GSE1: variants seen among roughly 807,000 people sequenced by gnomAD.
GSE1 encodes Gse1 coiled-coil protein, also known as genetic suppressor element 1.
Under a neutral mutation model 112.6 loss-of-function variants are expected in GSE1, and 32 were observed. That is an observed-to-expected ratio of 0.28 (90% CI 0.21 to 0.38). The LOEUF is 0.38. GSE1 is among the 10% of genes least tolerant of loss of function. GSE1 has a pLI of 1.00. For missense variants in GSE1, 2,348 were observed against 1,699.2 expected, an observed-to-expected ratio of 1.38 and a Z score of -6.71; for synonymous variants, 1,115 against 735.6, an observed-to-expected ratio of 1.52 and a Z score of -8.35.
chr16:85,582,530 AGG>A (rs1479626742), intron 1 of GSE1, among the ~76,000 whole-genome samples: 1 of 152,072 alleles, frequency 6.6e-6, no homozygotes, highest in Non-Finnish European at 1.5e-5. Flanking sequence ...CTCCTTGGCG[AGG>A]GGAGGAGCCC....
intron 1 of GSE1, among the ~76,000 whole-genome samples, chr16:85,357,053 C>T (rs943045399): frequency 1.3e-5 from 2 of 152,176 alleles, no homozygotes; most frequent in African/African-American, 4.8e-5. Context: ...ACAGAATAAA[C>T]CTTGTCCCCA....
intron 2 of GSE1, among the ~76,000 whole-genome samples, chr16:85,476,803 G>A (rs1221486011): frequency 6.7e-6 from 1 of 149,698 alleles, no homozygotes; most frequent in African/African-American, 2.5e-5. Context: ...AGCAGAGACA[G>A]GGTTTCACTG....
At chr16:85,472,352 T>G (rs1012313128) in intron 2 of GSE1, among the ~76,000 whole-genome samples, 1 of 152,238 alleles carries the variant, frequency 6.6e-6, no homozygotes, top group Non-Finnish European at 1.5e-5. Context: ...TTCCAGCCTC[T>G]GGTAGCTCCG....
At chr16:85,230,430 C>A (rs1904275437) in intron 1 of GSE1, among the ~76,000 whole-genome samples, 1 of 152,192 alleles carries the variant, frequency 6.6e-6, no homozygotes, top group African/African-American at 2.4e-5. Context: ...AACTCAGACT[C>A]ACTCAAGCAA....
intron 1 of GSE1, among the ~76,000 whole-genome samples, chr16:85,281,033 G>A (rs2044842435): frequency 6.6e-6 from 1 of 152,148 alleles, no homozygotes; most frequent in South Asian, 2.1e-4. Flanking sequence ...TGGGTTGCGG[G>A]GAAGTTTGAG....
chr16:85,357,589 G>A (rs1163075154), exon 2 of GSE1: 2 of 1,289,022 alleles, frequency 1.6e-6, no homozygotes, highest in Admixed American at 2.3e-5. Context: ...GCTGAGGCCA[G>A]CACAGTGTCT....
intron 2 of GSE1, 152 bp from the exon 3 acceptor site, chr16:85,648,400 C>T: frequency 3.5e-6 from 2 of 566,954 alleles, no homozygotes; most frequent in Non-Finnish European, 6.2e-6. Flanking sequence ...CTCCTGCCTG[C>T]CTGTCTTGGG....
intron 2 of GSE1, among the ~76,000 whole-genome samples, chr16:85,531,851 T>C (rs558236574): frequency 1.1e-4 from 17 of 152,236 alleles, no homozygotes; most frequent in Admixed American, 3.3e-4. Context: ...ACTGTGGACT[T>C]GAACTTGGAC....
intron 2 of GSE1, among the ~76,000 whole-genome samples, chr16:85,439,534 TCACACA>T (rs66487058): frequency 6.7e-5 from 10 of 149,958 alleles, no homozygotes; most frequent in Admixed American, 2.0e-4. Flanking sequence ...ACACGGTCTG[TCACACA>T]CACACACACA....
intron 1 of GSE1, among the ~76,000 whole-genome samples, chr16:85,175,255 A>T (rs2074438275): frequency 6.6e-6 from 1 of 152,038 alleles, no homozygotes; most frequent in South Asian, 2.1e-4. Flanking sequence ...CAGGCACCTG[A>T]CTCGTGCCTC....
At chr16:85,494,995 G>T (rs1377942626) in intron 2 of GSE1, among the ~76,000 whole-genome samples, 1 of 133,892 alleles carries the variant, frequency 7.5e-6, no homozygotes, top group African/African-American at 2.5e-5. Context: ...CTGGGCACAG[G>T]GGCAGAGCCC....
upstream of GSE1, among the ~76,000 whole-genome samples, chr16:85,551,437 TGGGTTCCAAAA>T (rs1164494730): frequency 6.6e-6 from 1 of 152,088 alleles, no homozygotes; most frequent in Non-Finnish European, 1.5e-5. Flanking sequence ...GCTGTAGTGA[TGGGTTCCAAAA>T]GCCACAGCCA....
chr16:85,315,218 T>G, intron 1 of GSE1, among the ~76,000 whole-genome samples: 1 of 150,646 alleles, frequency 6.6e-6, no homozygotes, highest in African/African-American at 2.4e-5. Context: ...GGAGCAGGGG[T>G]CGGGGGGAGG....
upstream of GSE1, among the ~76,000 whole-genome samples, chr16:85,554,099 G>A (rs140692964): frequency 5.3e-5 from 8 of 151,780 alleles, no homozygotes; most frequent in African/African-American, 1.7e-4. Flanking sequence ...CCCTCAGGAG[G>A]TAAAAGGGCT....
intron 2 of GSE1, among the ~76,000 whole-genome samples, chr16:85,481,905 C>T (rs980144661): frequency 2.6e-5 from 4 of 152,222 alleles, no homozygotes; most frequent in African/African-American, 9.6e-5. Context: ...GGCAGCCCTC[C>T]AGCCGGCATC....
chr16:85,185,985 C>T (rs1295982122), intron 1 of GSE1, among the ~76,000 whole-genome samples: 2 of 152,176 alleles, frequency 1.3e-5, no homozygotes, highest in African/African-American at 2.4e-5. Context: ...GTTTCACGGG[C>T]CTTACTGTGT....
chr16:85,313,052 C>T lies in GSE1; in HGVS notation c.2284-44411C>T, dbSNP rs141260004. ...GAGCCACTGCCCGGCTGATACTCGC[C>T]AAGGCCCCAGCTCTGACACTCCAGT... is the stretch of plus-strand genomic sequence containing the variant. On this transcript the variant is annotated intron_variant, in intron 1 of 2. Coordinates refer to the GSE1 transcript ENST00000637419. Among the ~76,000 whole-genome samples the T allele has an allele frequency of 9.2e-5, 14 of 152,238 alleles. No individual in the cohort carries two copies. In the East Asian group the frequency reaches 2.3e-3, roughly 25 times the overall value.
chr16:85,407,273 CT>C (rs1221117547), intron 2 of GSE1, among the ~76,000 whole-genome samples: 2 of 49,952 alleles, frequency 4.0e-5, no homozygotes, highest in African/African-American at 3.2e-4. Context: ...CAGGGCCCCC[CT>C]GGATAATCCT....
At chr16:85,518,307 G>T (rs1216037216) in intron 2 of GSE1, among the ~76,000 whole-genome samples, 2 of 152,196 alleles carry the variant, frequency 1.3e-5, no homozygotes, top group Non-Finnish European at 2.9e-5. Flanking sequence ...GCCCACCATG[G>T]ATGGGGCAGA....
Sources: allele counts gnomAD v4.1 joint callset (sites outside exome capture counted in the v4.1 genomes callset), GRCh38; gene constraint gnomAD v4.1.1; transcripts MANE v1.5; gene names NCBI Gene and HGNC (gene_info 2026-07-23, HGNC 2026-07-21).